Variants in WWOX observed in about 807,000 individuals in gnomAD.
WWOX encodes WW domain containing oxidoreductase.
WWOX carries 69 observed loss-of-function variants against 46.2 expected under a neutral mutation model. The observed-to-expected ratio is 1.49, with a 90% CI of 1.23 to 1.82. The LOEUF is 1.82. Among genes scored for constraint, WWOX ranks in the 40% most tolerant of loss-of-function variants. The probability of loss-of-function intolerance (pLI) is 0.00; values close to 1 mark genes in which losing one functional copy is unlikely to be tolerated. For missense variants in WWOX, 919 were observed against 542.6 expected, an observed-to-expected ratio of 1.69 and a Z score of -6.89; for synonymous variants, 359 against 202.6, an observed-to-expected ratio of 1.77 and a Z score of -6.56.
chr16:78,188,487 C>CAAAAAAAA (rs11325655), intron 5 of WWOX, among the ~76,000 whole-genome samples: 1 of 104,168 alleles, frequency 9.6e-6, no homozygotes, highest in Non-Finnish European at 2.1e-5. Flanking sequence ...GACTCTGTCT[C>CAAAAAAAA]AAAAAAAAAA....
chr16:78,460,820 G>T (rs960890933), intron 8 of WWOX, among the ~76,000 whole-genome samples: 2 of 152,228 alleles, frequency 1.3e-5, no homozygotes, highest in Non-Finnish European at 2.9e-5. Flanking sequence ...CTCTATTTCA[G>T]TTGAGTTTTT....
At chr16:78,153,396 A>G (rs936725043) in intron 4 of WWOX, among the ~76,000 whole-genome samples, 6 of 152,168 alleles carry the variant, frequency 3.9e-5, no homozygotes, top group Non-Finnish European at 8.8e-5. Flanking sequence ...TATAGGAGAA[A>G]CTCATCCTTA....
chr16:79,071,272 A>C (rs1299142275), intron 8 of WWOX, among the ~76,000 whole-genome samples: 1 of 152,166 alleles, frequency 6.6e-6, no homozygotes, highest in African/African-American at 2.4e-5. Flanking sequence ...TACATTTTTG[A>C]CAACCTGACA....
At chr16:78,148,509 A>G (rs2034285526) in intron 4 of WWOX, among the ~76,000 whole-genome samples, 1 of 147,158 alleles carries the variant, frequency 6.8e-6, no homozygotes, top group African/African-American at 2.5e-5. Flanking sequence ...AAAAAGCTCC[A>G]TTACATTTTT....
intron 5 of WWOX, among the ~76,000 whole-genome samples, chr16:78,345,000 G>A (rs9926915): frequency 0.048 from 5,737 of 119,974 alleles, 1,497 homozygotes; most frequent in African/African-American, 0.13. Context: ...GAAAACGGGA[G>A]TTTAGCCTAG....
intron 8 of WWOX, among the ~76,000 whole-genome samples, chr16:78,900,113 T>C (rs976198933): frequency 6.6e-6 from 1 of 151,822 alleles, no homozygotes; most frequent in Non-Finnish European, 1.5e-5. Flanking sequence ...TTCTCTATTT[T>C]ATTTCTTTAT....
At chr16:78,523,142 C>T (rs915909032) in intron 8 of WWOX, among the ~76,000 whole-genome samples, 1 of 152,150 alleles carries the variant, frequency 6.6e-6, no homozygotes, top group Admixed American at 6.6e-5. Flanking sequence ...CTAAATCCTT[C>T]TTTGAGCAGT....
At chr16:78,806,385 A>C (rs966287341) in intron 8 of WWOX, among the ~76,000 whole-genome samples, 4 of 152,222 alleles carry the variant, frequency 2.6e-5, no homozygotes, top group African/African-American at 9.6e-5. Flanking sequence ...GGCTTAAAAC[A>C]ACAACATTTA....
chr16:78,554,591 G>C (rs781021383), intron 8 of WWOX, among the ~76,000 whole-genome samples: 1 of 152,060 alleles, frequency 6.6e-6, no homozygotes. Flanking sequence ...ATACGTGGGT[G>C]TACACACACA....
intron 8 of WWOX, among the ~76,000 whole-genome samples, chr16:78,673,812 A>G (rs963894891): frequency 6.6e-6 from 1 of 152,192 alleles, no homozygotes; most frequent in Admixed American, 6.5e-5. Flanking sequence ...ATATTTAAAT[A>G]GTGCAAGATT....
At chr16:78,741,301 C>T (rs1224920617) in intron 8 of WWOX, among the ~76,000 whole-genome samples, 1 of 152,226 alleles carries the variant, frequency 6.6e-6, no homozygotes, top group Non-Finnish European at 1.5e-5. Flanking sequence ...TGGCTCACGC[C>T]TGTAATCCCA....
intron 8 of WWOX, among the ~76,000 whole-genome samples, chr16:78,524,420 A>G (rs138088312): frequency 0.037 from 3,551 of 95,020 alleles, 51 homozygotes; most frequent in Middle Eastern, 0.083. Flanking sequence ...TTATTTATTT[A>G]TTTATTTATT....
At chr16:78,158,440 A>G (rs1281876643) in intron 4 of WWOX, among the ~76,000 whole-genome samples, 4 of 152,042 alleles carry the variant, frequency 2.6e-5, no homozygotes, top group African/African-American at 9.7e-5. Flanking sequence ...CAAGCTCTGG[A>G]TTAGACTGCC....
chr16:78,572,366 C>G (rs1166510298), intron 8 of WWOX, among the ~76,000 whole-genome samples: 1 of 152,056 alleles, frequency 6.6e-6, no homozygotes, highest in African/African-American at 2.4e-5. Context: ...AGGCCACAGT[C>G]GGCAGATGGC....
chr16:79,007,831 C>G (rs1350973697), intron 8 of WWOX, among the ~76,000 whole-genome samples: 1 of 152,180 alleles, frequency 6.6e-6, no homozygotes, highest in Non-Finnish European at 1.5e-5. Context: ...TCATCATAAC[C>G]TCTGCCCTTT....
At chr16:79,123,100 T>A (rs575994506) in intron 8 of WWOX, among the ~76,000 whole-genome samples, 1 of 152,202 alleles carries the variant, frequency 6.6e-6, no homozygotes, top group African/African-American at 2.4e-5. Flanking sequence ...TTGTAATTTC[T>A]GGTCTGTGCG....
At chr16:78,927,699 A>T (rs893640168) in intron 8 of WWOX, among the ~76,000 whole-genome samples, 1 of 152,160 alleles carries the variant, frequency 6.6e-6, no homozygotes, top group African/African-American at 2.4e-5. Flanking sequence ...GCACTTATTT[A>T]TTGAGCTTAC....
At chr16:78,817,172 CT>C (rs33981779) in intron 8 of WWOX, among the ~76,000 whole-genome samples, 670 of 51,490 alleles carry the variant, frequency 0.013, 4 homozygotes, top group African/African-American at 0.045. Context: ...TAGTGCTATT[CT>C]TTTTTTTTTT....
intron 8 of WWOX, among the ~76,000 whole-genome samples, chr16:79,018,148 C>T (rs982703728): frequency 5.3e-5 from 8 of 152,128 alleles, no homozygotes; most frequent in African/African-American, 1.7e-4. Flanking sequence ...AAGAATCTTC[C>T]GGTTAAACAC....
Sources: gnomAD v4.1 joint callset for allele counts (sites outside exome capture counted in the v4.1 genomes callset) on GRCh38, gnomAD v4.1.1 for gene constraint, MANE v1.5 for transcripts, NCBI Gene and HGNC (gene_info 2026-07-23, HGNC 2026-07-21) for gene names.